The following NRXN3 variants were observed in gnomAD, a reference collection of about 807,000 sequenced individuals.
NRXN3 encodes neurexin III.
In NRXN3, 32 loss-of-function variants were observed where a neutral mutation model predicts 137.6. That is an observed-to-expected ratio of 0.23 (90% CI 0.18 to 0.31). The LOEUF is 0.31. NRXN3 is among the 10% of genes least tolerant of loss of function. NRXN3 has a pLI of 1.00. For missense variants in NRXN3, 1,574 were observed against 2,062.5 expected (o/e 0.76, Z 4.59); for synonymous variants, 798 against 784.5 (o/e 1.02, Z -0.29).
intron 15 of NRXN3, among the ~76,000 whole-genome samples, chr14:78,989,976 G>T (rs916271282): frequency 6.6e-6 from 1 of 152,174 alleles, no homozygotes; most frequent in Admixed American, 6.5e-5. Context: ...AATCAGGAAG[G>T]ATTCTTTCTA....
At chr14:79,132,018 T>G (rs182059133) in intron 15 of NRXN3, among the ~76,000 whole-genome samples, 1 of 152,372 alleles carries the variant, frequency 6.6e-6, no homozygotes, top group East Asian at 1.9e-4. Flanking sequence ...AGTGAGGCAA[T>G]GCCTCGCCCT....
At chr14:79,716,612 A>G (rs1440143653) in intron 19 of NRXN3, among the ~76,000 whole-genome samples, 3 of 151,984 alleles carry the variant, frequency 2.0e-5, no homozygotes. Flanking sequence ...AGTTCAGTGG[A>G]AGTTTTCCTG....
chr14:78,177,400 T>G (rs2059380093), intron 1 of NRXN3, among the ~76,000 whole-genome samples: 1 of 150,046 alleles, frequency 6.7e-6, no homozygotes, highest in African/African-American at 2.5e-5. Flanking sequence ...AGGGGTGGGG[T>G]GGGGCCAGAG....
intron 15 of NRXN3, chr14:79,248,689 T>C (rs2075541571): frequency 6.6e-6 from 1 of 152,210 alleles, no homozygotes; most frequent in Non-Finnish European, 1.5e-5. Flanking sequence ...CCTTATACTG[T>C]AACCAAAATG....
chr14:78,314,972 T>C (rs866458450), intron 4 of NRXN3, among the ~76,000 whole-genome samples: 1,617 of 99,288 alleles, frequency 0.016, 11 homozygotes, highest in Middle Eastern at 0.023. Context: ...CCTTCCTTCC[T>C]TCCTTCCTTC....
intron 1 of NRXN3, among the ~76,000 whole-genome samples, chr14:78,235,012 A>ATGTG (rs1219457653): frequency 1.0e-5 from 1 of 99,206 alleles, no homozygotes; most frequent in African/African-American, 4.2e-5. Context: ...ATATATATAT[A>ATGTG]TATATATATA....
At chr14:78,352,518 T>C (rs1300593213) in intron 4 of NRXN3, among the ~76,000 whole-genome samples, 3 of 152,134 alleles carry the variant, frequency 2.0e-5, no homozygotes, top group African/African-American at 7.2e-5. Flanking sequence ...CCATGACCCC[T>C]GGTTGAAGAA....
At chr14:78,551,034 A>G (rs1168287743) in intron 4 of NRXN3, among the ~76,000 whole-genome samples, 1 of 152,206 alleles carries the variant, frequency 6.6e-6, no homozygotes, top group African/African-American at 2.4e-5. Flanking sequence ...CTCTATCCAT[A>G]TGATAAGGGA....
Position 79,534,747 on chromosome 14 carries a change from T to C in NRXN3, c.3444+67345T>C, listed in dbSNP as rs568028305. 3.9e-5 allele frequency among the ~76,000 whole-genome samples: 6 copies of C among 152,194 alleles called. No individual in the cohort carries two copies. The South Asian group carries it at 1.2e-3, about 32-fold the overall frequency. ...AGTGACTTGTTTGCAATTGAAAACC[T>C]GGAGATATGAGTACATAATAGAAAC... On this transcript the variant is annotated intron_variant, in intron 16 of 20. Coordinates refer to ENST00000335750, the MANE Select transcript of NRXN3 (RefSeq NM_001330195.2).
intron 16 of NRXN3, among the ~76,000 whole-genome samples, chr14:79,526,947 G>C (rs2097125802): frequency 6.6e-6 from 1 of 152,156 alleles, no homozygotes; most frequent in African/African-American, 2.4e-5. Context: ...AGAACCCAGA[G>C]ATGCCCCAAG....
At chr14:79,563,903 T>C (rs1277327113) in intron 16 of NRXN3, among the ~76,000 whole-genome samples, 1 of 152,004 alleles carries the variant, frequency 6.6e-6, no homozygotes, top group Non-Finnish European at 1.5e-5. Context: ...TATTGACTTA[T>C]CTTGGTAGGG....
intron 4 of NRXN3, 82 bp downstream of exon 4, chr14:78,297,942 C>T: frequency 6.7e-7 from 1 of 1,488,888 alleles, no homozygotes; most frequent in Non-Finnish European, 9.1e-7. Flanking sequence ...GCCTCATCGT[C>T]ACTGGCAGGC....
Position 78,514,264 on chromosome 14 carries a change from A to G in NRXN3, c.758-130856A>G, listed in dbSNP as rs550593926. Reference sequence around the variant, plus strand: ...AATATTTGAATGATAAATTATTGCCATAGGAAACTAGAGAAAGAAAAAGAC... The same window carrying G: ...AATATTTGAATGATAAATTATTGCCGTAGGAAACTAGAGAAAGAAAAAGAC... On this transcript the variant is annotated intron_variant, in intron 4 of 20. Coordinates refer to ENST00000335750, the MANE Select transcript of NRXN3 (RefSeq NM_001330195.2). 3.3e-5 allele frequency among the ~76,000 whole-genome samples: 5 copies of G among 152,270 alleles called. No individual in the cohort carries two copies. In the East Asian group the frequency reaches 9.6e-4, roughly 29 times the overall value.
At chr14:78,395,204 C>T (rs1598196930) in intron 4 of NRXN3, among the ~76,000 whole-genome samples, 1 of 151,970 alleles carries the variant, frequency 6.6e-6, no homozygotes, top group African/African-American at 2.4e-5. Flanking sequence ...TTCCTCTCAG[C>T]ACTGCTTTAG....
rs187546448 is a variant in NRXN3 at position 79,690,709 on chromosome 14, C to T, written c.3617-1464C>T. On this transcript the variant is annotated intron_variant, in intron 17 of 20. Coordinates refer to ENST00000335750, the MANE Select transcript of NRXN3 (RefSeq NM_001330195.2). ...GTGAACATCCTCCAATATTGCTACCCGTTTCCTATCCTATACCCCCACCCT... is the reference window on the plus strand; with the variant it reads ...GTGAACATCCTCCAATATTGCTACCTGTTTCCTATCCTATACCCCCACCCT... Among the ~76,000 whole-genome samples the T allele has an allele frequency of 8.7e-3, 1,319 of 152,116 alleles. 19 individuals carry two copies. The highest frequency in any genetic ancestry group is 0.024 in the Middle Eastern group (7 of 294).
chr14:79,620,809 G>A (rs1345564314), intron 16 of NRXN3, among the ~76,000 whole-genome samples: 2 of 152,050 alleles, frequency 1.3e-5, no homozygotes, highest in Non-Finnish European at 2.9e-5. Flanking sequence ...AGAGATTTTG[G>A]AGAACTTCTC....
At chr14:78,631,365 C>T (rs1455468856) in intron 4 of NRXN3, among the ~76,000 whole-genome samples, 1 of 152,128 alleles carries the variant, frequency 6.6e-6, no homozygotes. Context: ...AAACCTTGAC[C>T]AACTGCTGAT....
chr14:79,694,821 C>T (rs1329672407), intron 18 of NRXN3, among the ~76,000 whole-genome samples: 1 of 151,942 alleles, frequency 6.6e-6, no homozygotes, highest in Non-Finnish European at 1.5e-5. Flanking sequence ...TTGCCATTAA[C>T]CACCTAATCC....
At chr14:79,683,336 AAAAC>A (rs150265104) in intron 17 of NRXN3, among the ~76,000 whole-genome samples, 3,988 of 152,240 alleles carry the variant, frequency 0.026, 141 homozygotes, top group African/African-American at 0.09. Context: ...GGCTCATTAA[AAAAC>A]AAACAAACAA....
Sources: allele counts gnomAD v4.1 joint callset (sites outside exome capture counted in the v4.1 genomes callset), GRCh38; gene constraint gnomAD v4.1.1; transcripts MANE v1.5; gene names NCBI Gene and HGNC (gene_info 2026-07-23, HGNC 2026-07-21).